The following GLRA2 variants were observed in gnomAD, a reference collection of about 807,000 sequenced individuals.
GLRA2 encodes glycine receptor subunit alpha-2.
A neutral mutation model predicts 31.6 loss-of-function variants in GLRA2; 11 were observed. The ratio of observed to expected loss-of-function variants is 0.35; its 90% confidence interval spans 0.22 to 0.58. The LOEUF (loss-of-function observed/expected upper bound fraction) is 0.58. GLRA2 is among the 20% of genes least tolerant of loss of function. GLRA2 has a pLI of 0.84. For synonymous variants in GLRA2, 132 were observed against 134.0 expected, an observed-to-expected ratio of 0.99 and a Z score of 0.10; for missense variants, 212 against 351.8, an observed-to-expected ratio of 0.60 and a Z score of 3.18.
intron 7 of GLRA2, among the ~76,000 whole-genome samples, chrX:14,680,433 C>A (rs1305731673): frequency 2.7e-5 from 3 of 111,926 alleles, no homozygotes; most frequent in African/African-American, 9.8e-5. Context: ...AACTTCATTA[C>A]CTTTTAAAAC....
chrX:14,593,648 A>T (rs1365194643), intron 4 of GLRA2, among the ~76,000 whole-genome samples: 1 of 112,839 alleles, frequency 8.9e-6, no homozygotes, highest in East Asian at 2.8e-4. Flanking sequence ...AAAGTCATTT[A>T]ACCTTTCTTT....
the GLRA2 span, among the ~76,000 whole-genome samples, chrX:14,451,899 C>T: frequency 1.8e-5 from 2 of 111,191 alleles, no homozygotes; most frequent in Non-Finnish European, 3.8e-5. Context: ...GGGTTGAATT[C>T]AACAACAAGA....
chrX:14,515,935 A>T, the GLRA2 span, among the ~76,000 whole-genome samples: 1 of 111,919 alleles, frequency 8.9e-6, no homozygotes, highest in African/African-American at 3.2e-5. Context: ...TCTATCAGAG[A>T]TACTTGGGAT....
chrX:14,458,113 C>T, the GLRA2 span, among the ~76,000 whole-genome samples: 3 of 109,747 alleles, frequency 2.7e-5, no homozygotes, highest in African/African-American at 6.7e-5. Flanking sequence ...TGAGTGAGAA[C>T]ATGTGGTGTT....
At chrX:14,454,513 C>T in the GLRA2 span, among the ~76,000 whole-genome samples, 1 of 108,434 alleles carries the variant, frequency 9.2e-6, no homozygotes, top group African/African-American at 3.4e-5. Flanking sequence ...CCTTTTTATG[C>T]GTAAGTTCAT....
intron 7 of GLRA2, among the ~76,000 whole-genome samples, chrX:14,654,143 A>T (rs1048095735): frequency 3.1e-4 from 34 of 110,797 alleles, no homozygotes; most frequent in African/African-American, 9.9e-4. Flanking sequence ...ACAAAACAAA[A>T]CAAAAATCAC....
At chrX:14,596,981 A>G (rs746154645) in intron 4 of GLRA2, among the ~76,000 whole-genome samples, 1 of 111,265 alleles carries the variant, frequency 9.0e-6, no homozygotes, top group South Asian at 3.9e-4. Flanking sequence ...TGATTTCCTA[A>G]TCTTCCCTCC....
rs1357312501 is a variant in GLRA2, at chrX:14,683,602, G to T, written c.931-7108G>T. On this transcript the variant is annotated intron_variant, in intron 7 of 8. Coordinates refer to ENST00000218075, the MANE Select transcript of GLRA2 (RefSeq NM_002063.4). ...TTTTGTTGCCATTGCTTTTGGTGTT[G>T]TAGACATGAAGTCCTTGCCCATGCC... Among the ~76,000 whole-genome samples the T allele has an allele frequency of 5.4e-5, 6 of 111,492 alleles. No homozygotes were observed. The East Asian group carries it at 1.1e-3, about 21-fold the overall frequency.
intron 7 of GLRA2, among the ~76,000 whole-genome samples, chrX:14,633,737 A>G (rs2090678007): frequency 9.1e-6 from 1 of 110,128 alleles, no homozygotes; most frequent in Non-Finnish European, 1.9e-5. Context: ...GGGGAAGCAA[A>G]CACATCCTTC....
chrX:14,483,966 T>C, the GLRA2 span, among the ~76,000 whole-genome samples: 39 of 111,468 alleles, frequency 3.5e-4, no homozygotes, highest in African/African-American at 1.2e-3. Flanking sequence ...TGCTGGGTGC[T>C]TCCTGCCCTT....
the GLRA2 span, among the ~76,000 whole-genome samples, chrX:14,463,425 T>G: frequency 4.8e-4 from 54 of 111,904 alleles, 1 homozygote; most frequent in African/African-American, 1.7e-3. Context: ...AGCTGTCTGC[T>G]GCTTTTTGTT....
chrX:14,592,977 T>A (rs1383711628), intron 4 of GLRA2, among the ~76,000 whole-genome samples: 1 of 111,928 alleles, frequency 8.9e-6, no homozygotes. Context: ...ACCTGAACTT[T>A]CTCATGGCAG....
intron 3 of GLRA2, 86 bp downstream of exon 3, chrX:14,574,486 T>C (rs1749600697): frequency 1.7e-6 from 2 of 1,195,336 alleles, no homozygotes; most frequent in African/African-American, 3.5e-5. Context: ...ATTGTTCAAC[T>C]TGCAGGGCCT....
intron 8 of GLRA2, among the ~76,000 whole-genome samples, chrX:14,702,819 G>A (rs934576896): frequency 2.7e-5 from 3 of 111,400 alleles, no homozygotes; most frequent in Non-Finnish European, 3.8e-5. Flanking sequence ...GGTGGCACTT[G>A]GACAGGGTTG....
intron 7 of GLRA2, among the ~76,000 whole-genome samples, chrX:14,671,484 A>G (rs1004543259): frequency 8.0e-5 from 9 of 112,124 alleles, no homozygotes; most frequent in South Asian, 3.7e-4. Context: ...CTAGTGTTCA[A>G]TTATGCTAGG....
chrX:14,691,271 CTGTGTGTGTGTGTG>C (rs4014173), intron 8 of GLRA2, among the ~76,000 whole-genome samples: 1,481 of 85,255 alleles, frequency 0.017, 32 homozygotes, highest in African/African-American at 0.053. Flanking sequence ...TAAATATTGA[CTGTGTGTGTGTGTG>C]TGTGTGTGTG....
At chrX:14,684,131 T>C (rs1016886754) in intron 7 of GLRA2, among the ~76,000 whole-genome samples, 43 of 111,358 alleles carry the variant, frequency 3.9e-4, no homozygotes, top group African/African-American at 1.4e-3. Flanking sequence ...GTTGTAGATG[T>C]GTGGTATTAT....
At chrX:14,633,577 G>A (rs915083567) in intron 7 of GLRA2, among the ~76,000 whole-genome samples, 6 of 111,928 alleles carry the variant, frequency 5.4e-5, no homozygotes, top group African/African-American at 3.2e-5. Context: ...ACAGAATTAC[G>A]AAAAGCAGGA....
chrX:14,694,487 T>C (rs769800269), intron 8 of GLRA2, among the ~76,000 whole-genome samples: 1 of 112,179 alleles, frequency 8.9e-6, no homozygotes, highest in South Asian at 3.7e-4. Context: ...TATTTTATTC[T>C]AAGTGATTGG....
Sources: gnomAD v4.1 joint callset for allele counts (sites outside exome capture counted in the v4.1 genomes callset) on GRCh38, gnomAD v4.1.1 for gene constraint, MANE v1.5 for transcripts, NCBI Gene and HGNC (gene_info 2026-07-23, HGNC 2026-07-21) for gene names.